The following DNAH17 variants were observed in gnomAD, a reference collection of about 807,000 sequenced individuals.
The protein encoded by DNAH17 is axonemal beta dynein heavy chain 17.
DNAH17 carries 376 observed loss-of-function variants against 485.6 expected under a neutral mutation model. That is an observed-to-expected ratio of 0.77 (90% CI 0.71 to 0.84). DNAH17 has a LOEUF of 0.84. Ranked by LOEUF, DNAH17 falls within the 40% of genes least tolerant of loss-of-function variation. The probability of loss-of-function intolerance (pLI) is 0.00; values close to 1 mark genes in which losing one functional copy is unlikely to be tolerated. For missense variants in DNAH17, 6,370 were observed against 5,839.3 expected (o/e 1.09, Z -2.96); for synonymous variants, 3,031 against 2,405.9 (o/e 1.26, Z -7.60).
At chr17:78,532,092 C>T (rs535922804) in intron 20 of DNAH17, among the ~76,000 whole-genome samples, 7 of 152,210 alleles carry the variant, frequency 4.6e-5, no homozygotes, top group African/African-American at 1.2e-4. Context: ...CCCTCATCTC[C>T]CTGAGGTCAG....
intron 9 of DNAH17, among the ~76,000 whole-genome samples, chr17:78,568,948 A>T (rs2092310520): frequency 6.6e-6 from 1 of 152,142 alleles, no homozygotes; most frequent in Admixed American, 6.5e-5. Flanking sequence ...ATAAGGGGAG[A>T]AGCACCCGAA....
rs1568265702 is a variant in DNAH17, at chr17:78,566,606, A to C, written c.1569+8T>G. ...CCAGATCTGCCTGCGTCTCCACTGC[A>C]TGCTTACCTTTGCGGAGGACTTGAT... is the stretch of plus-strand genomic sequence containing the variant. On this transcript the variant is annotated splice_region_variant and intron_variant, in intron 11 of 80. Transcript: ENST00000389840. 6.3e-7 allele frequency: 1 copy of C among 1,591,272 alleles called. No homozygotes were observed.
rs138639120 is a variant in DNAH17, at chr17:78,531,407, T to A, written c.3115-895A>T. On this transcript the variant is annotated intron_variant, in intron 20 of 80. Coordinates refer to ENST00000389840, the MANE Select transcript of DNAH17 (RefSeq NM_173628.4). The stretch of plus-strand genomic sequence containing the variant: ...AGGCTGGAGTGCAGTGGCGTGATCT[T>A]GACTCACTGCAAGCTCCGCCTCCTG... 7.8e-3 allele frequency among the ~76,000 whole-genome samples: 1,181 copies of A among 150,896 alleles called. 19 individuals carry two copies. The highest frequency in any genetic ancestry group is 0.028 in the African/African-American group (1,135 of 40,848).
At chr17:78,473,639 G>T (rs763880038) in intron 54 of DNAH17, among the ~76,000 whole-genome samples, 1 of 151,274 alleles carries the variant, frequency 6.6e-6, no homozygotes, top group African/African-American at 2.4e-5. Flanking sequence ...AGATCACAGA[G>T]CCACAGCAGC....
chr17:78,551,414 G>GCAGCTCCCACTGCACCC, intron 16 of DNAH17, 121 bp downstream of exon 16: 1 of 822,312 alleles, frequency 1.2e-6, no homozygotes, highest in South Asian at 1.7e-5. Context: ...GCACTGCACG[G>GCAGCTCCCACTGCACCC]CAGCTCCCAC....
intron 13 of DNAH17, among the ~76,000 whole-genome samples, chr17:78,560,487 C>G (rs1006117897): frequency 3.5e-5 from 5 of 144,470 alleles, no homozygotes; most frequent in Admixed American, 2.1e-4. Flanking sequence ...TTTCCCCCCC[C>G]CCAGTTTCAA....
Position 78,540,025 on chromosome 17 carries a change from C to T in DNAH17, c.2533-145G>A, listed in dbSNP as rs1342714845. ...CTTTGAGCATCTTGCTGGTGCTGGC[C>T]GCCTTCCTACTCGAGGCTTTGCACG... is the stretch of plus-strand genomic sequence containing the variant. On this transcript the variant is annotated intron_variant, in intron 17 of 80. Coordinates refer to ENST00000389840, the MANE Select transcript of DNAH17 (RefSeq NM_173628.4). The T allele has an allele frequency of 8.2e-6, 6 of 727,772 alleles. No individual in the cohort carries two copies. In the East Asian group the frequency reaches 1.0e-4, roughly 12 times the overall value. The allele number at this position is 727,772 out of a possible 1,614,324, so 45.1% of individuals were successfully genotyped here.
rs564517631 is a variant in DNAH17 at position 78,424,114 on chromosome 17, G to C, written c.13181C>G (p.Ala4394Gly). The change falls in exon 81 of 81, where the codon GCG becomes GGG. Residue 4394 changes from alanine to glycine, a missense_variant. Transcript: ENST00000389840. ...WDTQTGVIAE[A>G]RLKELTPAMP... is the part of the protein sequence containing the mutation. ...GGCCGGGGTCAGCTCTTTCAGCCGC[G>C]CTTCAGCGATGACTCCAGTCTGGGT... is the stretch of plus-strand genomic sequence containing the variant. The C allele has an allele frequency of 6.2e-7, 1 of 1,613,486 alleles. No homozygotes were observed. Among genetic ancestry groups the C allele is most frequent in the East Asian group, 2.2e-5 (1 of 44,898 alleles).
chr17:78,507,978 T>C (rs1459415249), intron 27 of DNAH17, among the ~76,000 whole-genome samples, 173 bp from the exon 28 acceptor site: 5 of 152,080 alleles, frequency 3.3e-5, no homozygotes, highest in African/African-American at 9.7e-5. Flanking sequence ...CATCCCCCAA[T>C]GATGGATGCA....
At position 78,434,210 on chromosome 17, in the gene DNAH17, T is replaced by C; in HGVS notation, c.12044A>G (p.Glu4015Gly). 1.2e-6 allele frequency: 2 copies of C among 1,606,870 alleles called. No individual in the cohort carries two copies. The highest frequency in any genetic ancestry group is 1.1e-5 in the South Asian group (1 of 90,858). The change falls in exon 75 of 81, where the codon GAG becomes GGG. Residue 4015 changes from glutamate (E) to glycine (G), a missense_variant. Transcript: ENST00000389840. ...ALDLFTQDTL[E>G]MCTKEMEFKC... ...GAACTCCATCTCCTTGGTGCACATCTCCAGGGTGTCCTGTGGGGCACACGC... is the reference window on the plus strand; with the variant it reads ...GAACTCCATCTCCTTGGTGCACATCCCCAGGGTGTCCTGTGGGGCACACGC...
chr17:78,501,318 C>G lies in DNAH17; in HGVS notation c.5349G>C (p.Trp1783Cys), dbSNP rs773482032. ...CCCAGCGATGCCGGAGCTGGGCCTG[C>G]CAGGTGAAGGCCTGAGAACTCTCCA... ...AKVESSQAFT[W>C]QAQLRHRWDE... Residue 1783 changes from tryptophan (W) to cysteine (C), a missense_variant, in exon 35 of 81, where the codon TGG (tryptophan) becomes TGC (cysteine). By Grantham distance (215) the Trp-to-Cys change is radical. Coordinates refer to ENST00000389840, the MANE Select transcript of DNAH17 (RefSeq NM_173628.4). 6.2e-7 allele frequency: 1 copy of G among 1,603,074 alleles called. No homozygotes were observed. The highest frequency in any genetic ancestry group is 8.5e-7 in the Non-Finnish European group (1 of 1,171,230).
intron 25 of DNAH17, among the ~76,000 whole-genome samples, 181 bp from the exon 26 acceptor site, chr17:78,515,203 G>A (rs1057012606): frequency 6.6e-6 from 1 of 152,164 alleles, no homozygotes; most frequent in Admixed American, 6.5e-5. Context: ...CGTCACAAAA[G>A]GTAAGATTTA....
At chr17:78,521,131 C>T (rs1257923755) in intron 25 of DNAH17, among the ~76,000 whole-genome samples, 4 of 152,318 alleles carry the variant, frequency 2.6e-5, no homozygotes, top group Admixed American at 6.5e-5. Context: ...CGGGGCCAGG[C>T]GCTGTGGCTC....
intron 50 of DNAH17, 90 bp from the exon 51 acceptor site, chr17:78,479,206 G>A (rs1335586754): frequency 6.9e-6 from 9 of 1,311,488 alleles, no homozygotes; most frequent in East Asian, 2.4e-5. Context: ...AATGGACTAC[G>A]AAATGGTGAC....
At position 78,486,317 on chromosome 17, in the gene DNAH17, C is replaced by A; in HGVS notation, c.7008G>T (p.Lys2336Asn). The change falls in exon 45 of 81, where the codon AAG (lysine) becomes AAT (asparagine). Residue 2336 changes from lysine to asparagine, a missense_variant. By Grantham distance (94) the Lys-to-Asn change is moderately conservative. Transcript: ENST00000389840. ...CCCTGGGGGAGTCGGGGGGCACGGT[C>A]TTCTCCGTGAGCAGGCACTCCAGCA... ...LYLLECLLTE[K>N]TVPPDSPREL... The A allele has an allele frequency of 6.2e-7, 1 of 1,613,590 alleles. No individual in the cohort carries two copies. The highest frequency in any genetic ancestry group is 2.2e-5 in the East Asian group (1 of 44,856).
In DNAH17 at chr17:78,500,740, G is replaced by A. The variant is rs4969162; in HGVS notation, c.5484-279C>T. Reference sequence around the variant, plus strand: ...GCCAGGCTGGTCTCGAACTCCTGACGTCAGGTGATCCACCCACCTCGGCCT... The same window carrying A: ...GCCAGGCTGGTCTCGAACTCCTGACATCAGGTGATCCACCCACCTCGGCCT... On this transcript the variant is annotated intron_variant, in intron 35 of 80. Transcript: ENST00000389840. 2.1e-5 allele frequency: 5 copies of A among 242,892 alleles called. No individual in the cohort carries two copies. The South Asian group carries it at 3.5e-4, about 17-fold the overall frequency. 15.0% of individuals were successfully genotyped at this position (242,892 alleles called of 1,614,324 possible). A position where few individuals can be genotyped will look rare whatever the true frequency, so the allele number is the denominator to read the frequency against.
chr17:78,524,862 G>A, intron 25 of DNAH17, 147 bp downstream of exon 25: 2 of 1,111,526 alleles, frequency 1.8e-6, no homozygotes, highest in East Asian at 2.6e-5. Context: ...CGCGATCTCA[G>A]GGCCCTTCGG....
intron 19 of DNAH17, among the ~76,000 whole-genome samples, chr17:78,534,406 C>CAT (rs1319618260): frequency 6.6e-6 from 1 of 152,156 alleles, no homozygotes; most frequent in Non-Finnish European, 1.5e-5. Flanking sequence ...GGCCACCCTG[C>CAT]ATGTAAGTTG....
At chr17:78,480,511 C>T (rs1175540740) in intron 49 of DNAH17, among the ~76,000 whole-genome samples, 173 bp downstream of exon 49, 1 of 152,194 alleles carries the variant, frequency 6.6e-6, no homozygotes, top group African/African-American at 2.4e-5. Flanking sequence ...TGGCTAGCTG[C>T]TCATCCTCTC....
Sources: gnomAD v4.1 joint callset for allele counts (sites outside exome capture counted in the v4.1 genomes callset) on GRCh38, gnomAD v4.1.1 for gene constraint, MANE v1.5 for transcripts, NCBI Gene and HGNC (gene_info 2026-07-23, HGNC 2026-07-21) for gene names.